The following MYL4 variants were observed in gnomAD, a reference collection of about 807,000 sequenced individuals.
MYL4 encodes the protein atrial myosin light chain 1.
A neutral mutation model predicts 21.6 loss-of-function variants in MYL4; 16 were observed. The observed-to-expected ratio is 0.74, with a 90% CI of 0.50 to 1.12. The LOEUF (loss-of-function observed/expected upper bound fraction) is 1.12. Among genes scored for constraint, MYL4 ranks in the 50% most tolerant of loss-of-function variants. MYL4 has a pLI of 0.00. For synonymous variants in MYL4, 82 were observed against 95.7 expected, an observed-to-expected ratio of 0.86 and a Z score of 0.83; for missense variants, 249 against 252.9, an observed-to-expected ratio of 0.98 and a Z score of 0.11.
chr17:47,213,672 C>A (rs2064792119), intron 1 of MYL4, 127 bp from the exon 2 acceptor site: 1 of 897,710 alleles, frequency 1.1e-6, no homozygotes, highest in Non-Finnish European at 1.9e-6. Context: ...ACCTTCCCTG[C>A]TTATCAGTGG....
In MYL4 at chr17:47,209,584, G is replaced by A. The variant is rs1348319931; in HGVS notation, c.135+27G>A. ...TAAGTGAGGCTCAGCCATTGGGATA[G>A]AGGTGGGGATGACATTGAGAGTCCT... On this transcript the variant is annotated intron_variant, in intron 1 of 6. Coordinates refer to ENST00000393450, the MANE Select transcript of MYL4 (RefSeq NM_002476.2). 3 of 1,614,218 alleles carry A rather than the reference G, an allele frequency of 1.9e-6. No individual in the cohort carries two copies. In the Admixed American group the frequency reaches 5.0e-5, roughly 27 times the overall value.
At chr17:47,221,900 G>A (rs374842650) in intron 4 of MYL4, 45 bp downstream of exon 4, 440 of 1,588,012 alleles carry the variant, frequency 2.8e-4, no homozygotes, top group African/African-American at 4.3e-4. Context: ...GAGGAATGGA[G>A]GGGTGGGAGG....
the MYL4 span, among the ~76,000 whole-genome samples, chr17:47,193,830 G>A: frequency 6.6e-6 from 1 of 151,000 alleles, no homozygotes; most frequent in Non-Finnish European, 1.5e-5. Context: ...ATCTCAGCCC[G>A]CTGCAACCTC....
intron 1 of MYL4, 71 bp from the exon 2 acceptor site, chr17:47,213,728 A>T: frequency 2.7e-6 from 4 of 1,457,136 alleles, no homozygotes; most frequent in Non-Finnish European, 3.7e-6. Flanking sequence ...TTCTGCTTCT[A>T]CTTCCCTTTG....
chr17:47,223,338 C>T (rs1209425568), intron 6 of MYL4, 171 bp from the exon 7 acceptor site: 2 of 407,624 alleles, frequency 4.9e-6, no homozygotes, highest in African/African-American at 2.0e-5. Context: ...TGTACAGGCT[C>T]CTGGGAGTGA....
upstream of MYL4, among the ~76,000 whole-genome samples, chr17:47,197,111 T>G (rs1300550701): frequency 1.7e-5 from 2 of 115,318 alleles, no homozygotes; most frequent in Non-Finnish European, 3.8e-5. Context: ...TTTTTTTTTT[T>G]TTTTTGAGAC....
At position 47,216,307 on chromosome 17, in the gene MYL4, C is replaced by CT. The variant is rs11339637; in HGVS notation, c.163+2497dup. ...CTCTAATACCTGAAGTTCACACTGGCTTTTTTTTTTTTTTTTCTAGTTGTA... is the reference window on the plus strand; with the variant it reads ...CTCTAATACCTGAAGTTCACACTGGCTTTTTTTTTTTTTTTTTCTAGTTGTA... On this transcript the variant is annotated intron_variant, in intron 2 of 6. Transcript: ENST00000393450. 4.1e-4 allele frequency among the ~76,000 whole-genome samples: 57 copies of CT among 138,202 alleles called. 1 individual carries two copies. The highest frequency in any genetic ancestry group is 1.9e-3 in the Admixed American group (27 of 13,940). The allele number at this position is 138,202 out of a possible 152,430, so 90.7% of individuals were successfully genotyped here. A position where few individuals can be genotyped will look rare whatever the true frequency, so the allele number is the denominator to read the frequency against.
At chr17:47,199,332 TAAAC>T (rs1440972922), upstream of MYL4, among the ~76,000 whole-genome samples, 17 of 135,248 alleles carry the variant, frequency 1.3e-4, no homozygotes, top group Admixed American at 3.6e-4. Flanking sequence ...GAAAAACAAA[TAAAC>T]AAACAAGGAA....
upstream of MYL4, among the ~76,000 whole-genome samples, chr17:47,206,845 G>A (rs2064729963): frequency 6.6e-6 from 1 of 152,168 alleles, no homozygotes; most frequent in Admixed American, 6.6e-5. Flanking sequence ...AGAAATCCCA[G>A]TTTGTATATT....
upstream of MYL4, among the ~76,000 whole-genome samples, chr17:47,196,476 C>T (rs1001116099): frequency 6.6e-6 from 1 of 152,144 alleles, no homozygotes; most frequent in African/African-American, 2.4e-5. Flanking sequence ...AGGGCCAAGT[C>T]TTATATTTCT....
At chr17:47,220,187 C>T in intron 3 of MYL4, 134 bp downstream of exon 3, 1 of 1,075,796 alleles carries the variant, frequency 9.3e-7, no homozygotes, top group South Asian at 1.7e-5. Context: ...GCCTCACCTA[C>T]CCAGCTTACC....
At chr17:47,206,981 G>A (rs2064730396), upstream of MYL4, among the ~76,000 whole-genome samples, 4 of 152,148 alleles carry the variant, frequency 2.6e-5, no homozygotes, top group South Asian at 4.1e-4. Flanking sequence ...AACCCCTGTG[G>A]GGAATGGGGT....
upstream of MYL4, among the ~76,000 whole-genome samples, chr17:47,197,223 C>T (rs954879564): frequency 1.3e-5 from 2 of 151,716 alleles, no homozygotes; most frequent in African/African-American, 2.4e-5. Flanking sequence ...TTCAGCCTCC[C>T]GAGTAGCTGG....
chr17:47,220,940 C>T (rs890067306), intron 3 of MYL4, among the ~76,000 whole-genome samples: 7 of 152,098 alleles, frequency 4.6e-5, no homozygotes, highest in African/African-American at 1.2e-4. Context: ...CTGGCCCGTC[C>T]CCCTTCTCCT....
upstream of MYL4, among the ~76,000 whole-genome samples, chr17:47,206,582 T>TGG (rs2064729183): frequency 6.6e-6 from 1 of 152,076 alleles, no homozygotes; most frequent in Non-Finnish European, 1.5e-5. Flanking sequence ...ACAGGAGTGG[T>TGG]GGTGACTGAA....
At chr17:47,194,774 T>C in the MYL4 span, among the ~76,000 whole-genome samples, 4 of 152,314 alleles carry the variant, frequency 2.6e-5, no homozygotes, top group African/African-American at 7.2e-5. Flanking sequence ...ATTTTTTTTT[T>C]TTGAGACAGG....
upstream of MYL4, among the ~76,000 whole-genome samples, chr17:47,195,971 C>T (rs2064687808): frequency 1.3e-5 from 2 of 152,150 alleles, no homozygotes; most frequent in Admixed American, 1.3e-4. Context: ...CTAATGGGAA[C>T]TTAGTATTAT....
chr17:47,205,602 A>G (rs1393058802), upstream of MYL4, among the ~76,000 whole-genome samples: 1 of 152,154 alleles, frequency 6.6e-6, no homozygotes, highest in Non-Finnish European at 1.5e-5. Context: ...GCTCTCCTCC[A>G]GTTGTTTCTG....
chr17:47,226,786 T>G (rs565236846), downstream of MYL4, among the ~76,000 whole-genome samples: 12 of 152,336 alleles, frequency 7.9e-5, no homozygotes, highest in African/African-American at 2.6e-4. Context: ...CTACACATGG[T>G]CTAAGATGCT....
Sources: allele counts gnomAD v4.1 joint callset (sites outside exome capture counted in the v4.1 genomes callset), GRCh38; gene constraint gnomAD v4.1.1; transcripts MANE v1.5; gene names NCBI Gene and HGNC (gene_info 2026-07-23, HGNC 2026-07-21).